The following GPA33 variants were observed in gnomAD, a reference collection of about 807,000 sequenced individuals.
GPA33 encodes the protein cell surface A33 antigen.
In GPA33, 27 loss-of-function variants were observed where a neutral mutation model predicts 35.6. The observed-to-expected ratio is 0.76, with a 90% confidence interval of 0.56 to 1.04. The LOEUF is 1.04. Ranked by LOEUF, GPA33 falls within the 50% of genes least tolerant of loss-of-function variation. The pLI is 0.00. For missense variants in GPA33, 428 were observed against 411.9 expected (o/e 1.04, Z -0.34); for synonymous variants, 176 against 164.0 (o/e 1.07, Z -0.56).
chr1:167,074,913 T>G (rs1046122024), intron 1 of GPA33, among the ~76,000 whole-genome samples: 3 of 149,436 alleles, frequency 2.0e-5, no homozygotes, highest in African/African-American at 7.4e-5. Flanking sequence ...TTACTTTTTT[T>G]TTTTTTTTTT....
chr1:167,089,632 T>C (rs181852931), intron 1 of GPA33, among the ~76,000 whole-genome samples: 7 of 152,314 alleles, frequency 4.6e-5, no homozygotes, highest in Non-Finnish European at 1.0e-4. Flanking sequence ...CTCATGAATG[T>C]CTGATTTTGT....
In GPA33 at chr1:167,056,434, GTGTC is replaced by G. The variant is rs1484920517; in HGVS notation, c.572-589_572-586del. ...GTGTGTGGGGTGTATGTGTGTGTGT[GTGTC>G]TGTGTGTTATGTGGTGTGTGTGGTG... On this transcript the variant is annotated intron_variant, in intron 4 of 6. Coordinates refer to ENST00000367868, the MANE Select transcript of GPA33 (RefSeq NM_005814.3). Among the ~76,000 whole-genome samples, 9 of 151,588 alleles carry G rather than the reference GTGTC, an allele frequency of 5.9e-5. No individual in the cohort carries two copies. The South Asian group carries it at 1.7e-3, about 28-fold the overall frequency.
intron 4 of GPA33, among the ~76,000 whole-genome samples, chr1:167,056,710 G>A (rs1250322933): frequency 8.6e-4 from 3 of 3,492 alleles, no homozygotes; most frequent in African/African-American, 2.8e-3. Context: ...GGTGTGTGTA[G>A]TGTGTGTGTA....
intron 4 of GPA33, among the ~76,000 whole-genome samples, chr1:167,062,650 T>C (rs919077559): frequency 2.9e-5 from 4 of 140,120 alleles, no homozygotes; most frequent in South Asian, 2.5e-4. Flanking sequence ...CTCTTTCTTT[T>C]TTTTTTTTTT....
chr1:167,073,071 A>C (rs532071783), intron 2 of GPA33, among the ~76,000 whole-genome samples: 9 of 152,310 alleles, frequency 5.9e-5, no homozygotes, highest in African/African-American at 1.7e-4. Context: ...AGGAAAAAAA[A>C]CCCATAAAAT....
intron 4 of GPA33, among the ~76,000 whole-genome samples, chr1:167,056,630 G>GTCTGAGTGGTAT (rs1273461249): frequency 4.7e-3 from 2 of 426 alleles, no homozygotes; most frequent in East Asian, 0.056. Context: ...GTGAGTGTGT[G>GTCTGAGTGGTAT]ATGTGTGTGG....
chr1:167,070,878 T>A (rs1666704214), intron 2 of GPA33, among the ~76,000 whole-genome samples: 1 of 151,974 alleles, frequency 6.6e-6, no homozygotes, highest in South Asian at 2.1e-4. Context: ...GGGTAAGAGT[T>A]TTTTGGCTTG....
At chr1:167,059,143 C>A (rs1666375517) in intron 4 of GPA33, among the ~76,000 whole-genome samples, 2 of 152,202 alleles carry the variant, frequency 1.3e-5, no homozygotes, top group Non-Finnish European at 1.5e-5. Flanking sequence ...TGAGTCAGCG[C>A]TATCCTCCCC....
At position 167,063,664 on chromosome 1, in the gene GPA33, T is replaced by C. The variant is rs140361439; in HGVS notation, c.489A>G (p.Gln163=). The C allele has an allele frequency of 1.1e-4, 182 of 1,613,722 alleles. 2 individuals carry two copies. The African/African-American group carries it at 1.9e-3, about 17-fold the overall frequency. Residue 163 remains glutamine (Q), a synonymous_variant, in exon 4 of 7, where the codon CAA becomes CAG. Transcript: ENST00000367868. ...GAGGGGTTGGTGAGCCCTCCTTTGATTGGCAGGTCAGCTGGATGTTGTTCC... is the reference window on the plus strand; with the variant it reads ...GAGGGGTTGGTGAGCCCTCCTTTGACTGGCAGGTCAGCTGGATGTTGTTCC... ...IIGNNIQLTC[Q]SKEGSPTPQY...
At chr1:167,063,520 C>T in intron 4 of GPA33, 62 bp downstream of exon 4, 2 of 1,471,470 alleles carry the variant, frequency 1.4e-6, no homozygotes, top group African/African-American at 1.4e-5. Context: ...CAGCCCCTAG[C>T]CAATCAGCTG....
chr1:167,073,623 A>T lies in GPA33; in HGVS notation c.44-84T>A, dbSNP rs555715054. 8.2e-6 allele frequency: 10 copies of T among 1,221,460 alleles called. No homozygotes were observed. The South Asian group carries it at 9.8e-5, about 12-fold the overall frequency. 75.7% of individuals were successfully genotyped at this position (1,221,460 alleles called of 1,614,324 possible). A position where few individuals can be genotyped will look rare whatever the true frequency, so the allele number is the denominator to read the frequency against. ...TCACTGCCCACAGGACCACTGAGGG[A>T]ATGTCCAGGGCTGTTCTTGCACCTC... On this transcript the variant is annotated intron_variant, in intron 1 of 6. Coordinates refer to ENST00000367868, the MANE Select transcript of GPA33 (RefSeq NM_005814.3).
intron 4 of GPA33, among the ~76,000 whole-genome samples, chr1:167,056,775 T>TTCTGG (rs1558002069): frequency 9.1e-4 from 2 of 2,194 alleles, no homozygotes; most frequent in African/African-American, 3.5e-3. Flanking sequence ...GTGGTGTGTG[T>TTCTGG]GGCATGTGTA....
At position 167,090,341 on chromosome 1, in the gene GPA33, A is replaced by G; in HGVS notation, c.-54T>C. On this transcript the variant is annotated 5_prime_UTR_variant, in exon 1 of 7. Coordinates refer to ENST00000367868, the MANE Select transcript of GPA33 (RefSeq NM_005814.3). Reference sequence around the variant, plus strand: ...AACCTGTCACTGGCAGCCTCCAGACAGGTCTGAGCTGTCTGGTTAAAGCTA... The same window carrying G: ...AACCTGTCACTGGCAGCCTCCAGACGGGTCTGAGCTGTCTGGTTAAAGCTA... 1 of 1,453,602 alleles carries G rather than the reference A, an allele frequency of 6.9e-7. No individual in the cohort carries two copies. The highest frequency in any genetic ancestry group is 9.7e-7 in the Non-Finnish European group (1 of 1,035,108). 90.0% of individuals were successfully genotyped at this position (1,453,602 alleles called of 1,614,324 possible). A position where few individuals can be genotyped will look rare whatever the true frequency, so the allele number is the denominator to read the frequency against.
At chr1:167,076,460 C>G (rs543883919) in intron 1 of GPA33, among the ~76,000 whole-genome samples, 2 of 152,302 alleles carry the variant, frequency 1.3e-5, no homozygotes, top group African/African-American at 4.8e-5. Flanking sequence ...ACCGTCCCCC[C>G]GCCCAGCTGG....
At position 167,064,525 on chromosome 1, in the gene GPA33, TA is replaced by T. The variant is rs561228100; in HGVS notation, c.416-789del. 5.3e-5 allele frequency among the ~76,000 whole-genome samples: 8 copies of T among 152,350 alleles called. No homozygotes were observed. The East Asian group carries it at 1.5e-3, about 29-fold the overall frequency. ...CCCTCGACCTCAGTGTTCCATTCTGTAAAATTAGTGGACTACAAACCTGTTC... is the reference window on the plus strand; with the variant it reads ...CCCTCGACCTCAGTGTTCCATTCTGTAAATTAGTGGACTACAAACCTGTTC... On this transcript the variant is annotated intron_variant, in intron 3 of 6. Coordinates refer to ENST00000367868, the MANE Select transcript of GPA33 (RefSeq NM_005814.3).
intron 4 of GPA33, among the ~76,000 whole-genome samples, chr1:167,062,064 T>C (rs1366305814): frequency 6.6e-6 from 1 of 152,050 alleles, no homozygotes; most frequent in African/African-American, 2.4e-5. Context: ...TGGCTTTGCT[T>C]TCCACCTCTG....
intron 4 of GPA33, among the ~76,000 whole-genome samples, chr1:167,063,198 C>T (rs150628377): frequency 0.017 from 2,521 of 152,276 alleles, 62 homozygotes; most frequent in African/African-American, 0.057. Flanking sequence ...GAGGCTGAGG[C>T]GGGTGGATCA....
chr1:167,073,739 T>C (rs914970687), intron 1 of GPA33, among the ~76,000 whole-genome samples, 200 bp from the exon 2 acceptor site: 4 of 152,126 alleles, frequency 2.6e-5, no homozygotes, highest in Admixed American at 2.0e-4. Context: ...TGGGCCTTGG[T>C]CCACCTGACT....
chr1:167,077,842 C>A (rs889935598), intron 1 of GPA33, among the ~76,000 whole-genome samples: 2 of 152,166 alleles, frequency 1.3e-5, no homozygotes, highest in Admixed American at 1.3e-4. Flanking sequence ...TACAGATATT[C>A]TCTCATTTAT....
Sources: gnomAD v4.1 joint callset for allele counts (sites outside exome capture counted in the v4.1 genomes callset) on GRCh38, gnomAD v4.1.1 for gene constraint, MANE v1.5 for transcripts, NCBI Gene and HGNC (gene_info 2026-07-23, HGNC 2026-07-21) for gene names.